The following COX7B2 variants were observed in gnomAD, a reference collection of about 807,000 sequenced individuals.
COX7B2 encodes cytochrome c oxidase subunit 7B2, mitochondrial.
For synonymous variants in COX7B2, 37 were observed against 32.1 expected, an observed-to-expected ratio of 1.15 and a Z score of -0.51; for missense variants, 109 against 95.9, an observed-to-expected ratio of 1.14 and a Z score of -0.57.
chr4:46,792,027 A>T (rs559047490), intron 2 of COX7B2, among the ~76,000 whole-genome samples: 1 of 152,312 alleles, frequency 6.6e-6, no homozygotes. Context: ...AGCTATCACA[A>T]GATCCTATGA....
chr4:46,863,204 G>A (rs951077419), intron 1 of COX7B2, among the ~76,000 whole-genome samples: 1 of 152,080 alleles, frequency 6.6e-6, no homozygotes, highest in Non-Finnish European at 1.5e-5. Context: ...GATAAGGAGG[G>A]AGAAATGTAA....
chr4:46,827,618 C>T (rs778859860), intron 2 of COX7B2, among the ~76,000 whole-genome samples: 3 of 152,026 alleles, frequency 2.0e-5, no homozygotes, highest in Non-Finnish European at 4.4e-5. Context: ...ATGAGCTACT[C>T]GTAGCATATC....
chr4:46,872,969 C>A (rs1041836360), intron 1 of COX7B2, among the ~76,000 whole-genome samples: 1 of 151,794 alleles, frequency 6.6e-6, no homozygotes, highest in African/African-American at 2.4e-5. Flanking sequence ...GTATCCCTCC[C>A]CTAGCCCCCC....
chr4:46,794,354 C>T (rs895857891), intron 2 of COX7B2, among the ~76,000 whole-genome samples: 15 of 152,038 alleles, frequency 9.9e-5, no homozygotes, highest in Admixed American at 5.2e-4. Flanking sequence ...GGCTAAAACA[C>T]GGACCAAAAG....
rs200609418 is a variant in COX7B2 at position 46,871,639 on chromosome 4, GA to G, written c.-104-26626del. The stretch of plus-strand genomic sequence containing the variant: ...ATAAGGAGTTTAAACATATTTACAA[GA>G]AAAAAAAAAAACATTGAAAAGTGGG... On this transcript the variant is annotated intron_variant, in intron 1 of 2. Transcript: ENST00000355591. Among the ~76,000 whole-genome samples the G allele has an allele frequency of 9.5e-4, 127 of 133,302 alleles. 1 individual carries two copies. In the Middle Eastern group the frequency reaches 0.011, roughly 12 times the overall value. 87.5% of individuals were successfully genotyped at this position (133,302 alleles called of 152,430 possible).
intron 2 of COX7B2, among the ~76,000 whole-genome samples, chr4:46,832,265 C>T (rs1015997241): frequency 1.3e-5 from 2 of 152,098 alleles, no homozygotes; most frequent in Non-Finnish European, 1.5e-5. Flanking sequence ...AGTGAGACCA[C>T]GAACCCACCA....
At chr4:46,889,552 G>C (rs1263152883) in intron 1 of COX7B2, among the ~76,000 whole-genome samples, 1 of 152,194 alleles carries the variant, frequency 6.6e-6, no homozygotes, top group African/African-American at 2.4e-5. Context: ...CATGAGCACT[G>C]TATGTCAAAT....
At chr4:46,744,084 T>G (rs1296631997) in intron 2 of COX7B2, among the ~76,000 whole-genome samples, 1 of 152,198 alleles carries the variant, frequency 6.6e-6, no homozygotes, top group Non-Finnish European at 1.5e-5. Flanking sequence ...TTTCAACATC[T>G]GAAATTGACC....
intron 2 of COX7B2, among the ~76,000 whole-genome samples, chr4:46,761,971 A>G (rs1459006455): frequency 6.6e-6 from 1 of 151,560 alleles, no homozygotes; most frequent in East Asian, 1.9e-4. Context: ...AAACATATGA[A>G]CAGTGTGATT....
At chr4:46,795,105 T>G (rs1181845633) in intron 2 of COX7B2, among the ~76,000 whole-genome samples, 1 of 137,924 alleles carries the variant, frequency 7.3e-6, no homozygotes, top group African/African-American at 3.2e-5. Context: ...ATTAGCCCTT[T>G]GTCAGATGAG....
intron 1 of COX7B2, among the ~76,000 whole-genome samples, chr4:46,905,053 G>A (rs983117611): frequency 1.3e-5 from 2 of 152,004 alleles, no homozygotes; most frequent in African/African-American, 4.8e-5. Context: ...AAAATGGGGA[G>A]TATAGAAATT....
At chr4:46,786,699 C>T (rs1717768616) in intron 2 of COX7B2, among the ~76,000 whole-genome samples, 1 of 152,050 alleles carries the variant, frequency 6.6e-6, no homozygotes, top group Non-Finnish European at 1.5e-5. Flanking sequence ...AAGAAGCCTG[C>T]CTTTTATAAA....
intron 1 of COX7B2, among the ~76,000 whole-genome samples, chr4:46,870,217 A>T (rs544791916): frequency 1.3e-5 from 2 of 152,132 alleles, no homozygotes; most frequent in Non-Finnish European, 2.9e-5. Context: ...TCACATAAAA[A>T]AACTAAGGAC....
intron 2 of COX7B2, among the ~76,000 whole-genome samples, chr4:46,743,454 T>C (rs1048068668): frequency 5.9e-5 from 9 of 152,226 alleles, no homozygotes; most frequent in African/African-American, 2.2e-4. Context: ...AAAAAAAGTA[T>C]ATTCCATCCC....
chr4:46,888,875 C>T (rs146294039), intron 1 of COX7B2, among the ~76,000 whole-genome samples: 309 of 152,300 alleles, frequency 2.0e-3, no homozygotes, highest in African/African-American at 7.2e-3. Context: ...CCACAAAACA[C>T]GCACCAACAG....
At chr4:46,774,028 G>T (rs1021443413) in intron 2 of COX7B2, among the ~76,000 whole-genome samples, 13 of 152,088 alleles carry the variant, frequency 8.5e-5, no homozygotes, top group African/African-American at 3.1e-4. Flanking sequence ...TCCATGGACA[G>T]CTCATTAACA....
At chr4:46,842,398 T>A (rs933270530) in intron 2 of COX7B2, among the ~76,000 whole-genome samples, 3 of 152,004 alleles carry the variant, frequency 2.0e-5, no homozygotes, top group African/African-American at 7.2e-5. Flanking sequence ...GAGCTCACTT[T>A]TTTTATTTTA....
Position 46,796,274 on chromosome 4 carries a change from G to C in COX7B2, c.-50+48686C>G, listed in dbSNP as rs1036191549. Among the ~76,000 whole-genome samples the C allele has an allele frequency of 5.6e-4, 80 of 143,262 alleles. 3 individuals are homozygous for C. The highest frequency in any genetic ancestry group is 7.7e-4 in the Non-Finnish European group (50 of 64,580). 94.0% of individuals were successfully genotyped at this position (143,262 alleles called of 152,430 possible). A position where few individuals can be genotyped will look rare whatever the true frequency, so the allele number is the denominator to read the frequency against. ...CGGTGAGAGAGGGCATCCCTGTCTT[G>C]TGCCGGTTTTCAAAGGGAATGCTTC... On this transcript the variant is annotated intron_variant, in intron 2 of 2. Coordinates refer to ENST00000355591, the MANE Select transcript of COX7B2 (RefSeq NM_130902.3).
intron 2 of COX7B2, among the ~76,000 whole-genome samples, chr4:46,783,574 C>G (rs1243338481): frequency 6.6e-6 from 1 of 152,190 alleles, no homozygotes; most frequent in African/African-American, 2.4e-5. Flanking sequence ...AGGGGAATGA[C>G]TACATCTACA....
Sources: gnomAD v4.1 joint callset for allele counts (sites outside exome capture counted in the v4.1 genomes callset) on GRCh38, gnomAD v4.1.1 for gene constraint, MANE v1.5 for transcripts, NCBI Gene and HGNC (gene_info 2026-07-23, HGNC 2026-07-21) for gene names.